The following CHSY3 variants were observed in gnomAD, a reference collection of about 807,000 sequenced individuals.
CHSY3 encodes the protein chondroitin sulfate synthase 3.
Under a neutral mutation model 67.2 loss-of-function variants are expected in CHSY3, and 35 were observed. The ratio of observed to expected loss-of-function variants is 0.52; its 90% CI spans 0.40 to 0.69. The LOEUF is 0.69. CHSY3 is among the 30% of genes least tolerant of loss of function. CHSY3 has a pLI of 0.00. For synonymous variants in CHSY3, 474 were observed against 434.7 expected, an observed-to-expected ratio of 1.09 and a Z score of -1.12; for missense variants, 1,069 against 1,138.5, an observed-to-expected ratio of 0.94 and a Z score of 0.88.
intron 2 of CHSY3, among the ~76,000 whole-genome samples, chr5:129,935,133 A>G (rs1373383837): frequency 2.0e-5 from 3 of 152,312 alleles, no homozygotes; most frequent in East Asian, 1.9e-4. Context: ...AATTTTAAGA[A>G]TTCAAATTCA....
At chr5:130,135,773 T>C (rs1029779956) in intron 2 of CHSY3, among the ~76,000 whole-genome samples, 20 of 152,214 alleles carry the variant, frequency 1.3e-4, no homozygotes, top group African/African-American at 4.8e-4. Context: ...CTTGATTATA[T>C]ATTTCCTAAT....
At chr5:129,991,502 T>C (rs1175954607) in intron 2 of CHSY3, among the ~76,000 whole-genome samples, 1 of 152,168 alleles carries the variant, frequency 6.6e-6, no homozygotes, top group Non-Finnish European at 1.5e-5. Flanking sequence ...AGTGCTGATA[T>C]ATTTAAGAGT....
intron 2 of CHSY3, among the ~76,000 whole-genome samples, chr5:130,054,307 A>C (rs564871753): frequency 6.6e-6 from 1 of 152,148 alleles, no homozygotes. Flanking sequence ...TTCCCTGATG[A>C]TATTAATCAT....
chr5:130,140,872 G>C (rs1219301171), intron 2 of CHSY3: 1 of 336,304 alleles, frequency 3.0e-6, no homozygotes, highest in African/African-American at 2.2e-5. Flanking sequence ...CCAGTATTGA[G>C]ATCTATTTTC....
At chr5:130,085,605 T>G (rs1346750998) in intron 2 of CHSY3, among the ~76,000 whole-genome samples, 1 of 152,106 alleles carries the variant, frequency 6.6e-6, no homozygotes, top group East Asian at 1.9e-4. Flanking sequence ...ATGTCTCTAT[T>G]TCCTTCAGTT....
intron 2 of CHSY3, among the ~76,000 whole-genome samples, chr5:130,084,302 A>C (rs1172245901): frequency 6.6e-6 from 1 of 152,052 alleles, no homozygotes; most frequent in African/African-American, 2.4e-5. Context: ...AATAACTAAA[A>C]CAGAAGATTT....
chr5:130,014,418 G>A (rs1400089445), intron 2 of CHSY3, among the ~76,000 whole-genome samples: 11 of 152,174 alleles, frequency 7.2e-5, no homozygotes, highest in Admixed American at 7.2e-4. Flanking sequence ...CACATGGCTA[G>A]GGAGACCTCA....
At chr5:129,951,741 C>T (rs1038794947) in intron 2 of CHSY3, among the ~76,000 whole-genome samples, 15 of 152,110 alleles carry the variant, frequency 9.9e-5, no homozygotes, top group African/African-American at 3.6e-4. Context: ...AACCATTGGC[C>T]ATCTATGTAG....
intron 2 of CHSY3, among the ~76,000 whole-genome samples, chr5:129,979,736 T>G (rs1762928685): frequency 6.6e-6 from 1 of 152,234 alleles, no homozygotes; most frequent in African/African-American, 2.4e-5. Context: ...ATAAATATCC[T>G]CTGCACTTGA....
intron 2 of CHSY3, among the ~76,000 whole-genome samples, chr5:130,087,542 C>T (rs1006213254): frequency 9.3e-4 from 141 of 151,292 alleles, no homozygotes; most frequent in Non-Finnish European, 1.5e-3. Context: ...AATCAATGTA[C>T]AAAAATCACA....
chr5:130,127,740 G>A, intron 2 of CHSY3, among the ~76,000 whole-genome samples: 1 of 152,084 alleles, frequency 6.6e-6, no homozygotes, highest in East Asian at 1.9e-4. Flanking sequence ...GCTTCTTAAG[G>A]ATTAAAACCT....
chr5:130,038,042 C>A (rs555591152), intron 2 of CHSY3, among the ~76,000 whole-genome samples: 8 of 152,138 alleles, frequency 5.3e-5, no homozygotes, highest in Non-Finnish European at 1.0e-4. Flanking sequence ...CTTTCATTAG[C>A]CCCTGTGGTA....
At chr5:130,080,953 A>G (rs1766425832) in intron 2 of CHSY3, among the ~76,000 whole-genome samples, 1 of 152,098 alleles carries the variant, frequency 6.6e-6, no homozygotes, top group Non-Finnish European at 1.5e-5. Flanking sequence ...AATGGGGTAC[A>G]GTTTTTCTAC....
chr5:129,956,030 T>A (rs1382821826), intron 2 of CHSY3, among the ~76,000 whole-genome samples: 8 of 152,282 alleles, frequency 5.3e-5, no homozygotes, highest in Admixed American at 1.3e-4. Flanking sequence ...ACAATTTATA[T>A]TCCTTTGGGT....
At chr5:129,964,952 T>G (rs1762430918) in intron 2 of CHSY3, among the ~76,000 whole-genome samples, 1 of 151,944 alleles carries the variant, frequency 6.6e-6, no homozygotes, top group African/African-American at 2.4e-5. Flanking sequence ...TGAAATATAG[T>G]TAGTCTGCAG....
At chr5:130,120,789 G>A (rs1767990554) in intron 2 of CHSY3, among the ~76,000 whole-genome samples, 2 of 152,178 alleles carry the variant, frequency 1.3e-5, no homozygotes, top group African/African-American at 4.8e-5. Flanking sequence ...AAGGAGTGAG[G>A]GAGGGAGAAA....
At chr5:130,052,124 G>A (rs1045519263) in intron 2 of CHSY3, 1 of 152,102 alleles carries the variant, frequency 6.6e-6, no homozygotes, top group Admixed American at 6.6e-5. Flanking sequence ...GCCATAGATG[G>A]TCATTCCCAC....
At chr5:130,038,152 G>A (rs1161726839) in intron 2 of CHSY3, among the ~76,000 whole-genome samples, 5 of 152,092 alleles carry the variant, frequency 3.3e-5, no homozygotes, top group African/African-American at 1.2e-4. Flanking sequence ...TTAACTGACT[G>A]TAGGGAGTGA....
At chr5:130,013,668 G>A (rs77601397) in intron 2 of CHSY3, among the ~76,000 whole-genome samples, 3,562 of 152,272 alleles carry the variant, frequency 0.023, 131 homozygotes, top group African/African-American at 0.081. Flanking sequence ...CATGTCCTGA[G>A]GCTGCAAAGA....
Sources: allele counts gnomAD v4.1 joint callset (sites outside exome capture counted in the v4.1 genomes callset), GRCh38; gene constraint gnomAD v4.1.1; transcripts MANE v1.5; gene names NCBI Gene and HGNC (gene_info 2026-07-23, HGNC 2026-07-21).